METTL21A: variants seen among roughly 807,000 people sequenced by gnomAD.
METTL21A encodes the protein methyltransferase 21A, HSPA lysine, also known as protein N-lysine methyltransferase METTL21A.
A neutral mutation model predicts 20.9 loss-of-function variants in METTL21A; 22 were observed. The ratio of observed to expected loss-of-function variants is 1.05; its 90% CI spans 0.75 to 1.50. METTL21A has a LOEUF of 1.50. Among genes scored for constraint, METTL21A ranks in the 40% most tolerant of loss-of-function variants. METTL21A has a pLI of 0.00. For synonymous variants in METTL21A, 93 were observed against 102.0 expected (o/e 0.91, Z 0.53); for missense variants, 271 against 266.8 (o/e 1.02, Z -0.11).
intron 3 of METTL21A, among the ~76,000 whole-genome samples, chr2:207,615,391 G>A (rs189412923): frequency 6.6e-6 from 1 of 151,882 alleles, no homozygotes; most frequent in East Asian, 1.9e-4. Context: ...AGGAGGTCAA[G>A]GCTGCACTTA....
chr2:207,605,527 A>G (rs558870943), downstream of METTL21A, among the ~76,000 whole-genome samples: 3 of 147,764 alleles, frequency 2.0e-5, no homozygotes, highest in Non-Finnish European at 4.5e-5. Flanking sequence ...GTACACTTCT[A>G]AAAAAAAGAA....
intron 3 of METTL21A, chr2:207,598,404 G>A (rs2086518237): frequency 5.6e-6 from 1 of 178,510 alleles, no homozygotes; most frequent in Admixed American, 6.4e-5. Flanking sequence ...CTGTATTTGT[G>A]TATATCATAC....
exon 4 of METTL21A, chr2:207,612,771 G>GGGA: frequency 3.5e-6 from 1 of 283,972 alleles, no homozygotes; most frequent in South Asian, 1.3e-4. Context: ...TTTATTAAAA[G>GGGA]GGAGGAGTAT....
chr2:207,587,111 G>C (rs1220580018), intron 3 of METTL21A, among the ~76,000 whole-genome samples: 4 of 152,084 alleles, frequency 2.6e-5, no homozygotes, highest in Non-Finnish European at 4.4e-5. Context: ...AAAACTAAAA[G>C]GGCCAGGCGT....
downstream of METTL21A, among the ~76,000 whole-genome samples, chr2:207,608,502 A>G (rs2088468787): frequency 6.6e-6 from 1 of 152,004 alleles, no homozygotes; most frequent in Non-Finnish European, 1.5e-5. Context: ...TTAATGTTTT[A>G]TGAAAACAGA....
chr2:207,624,555 C>G, intron 1 of METTL21A, 151 bp from the exon 2 acceptor site: 1 of 610,674 alleles, frequency 1.6e-6, no homozygotes, highest in South Asian at 2.7e-5. Flanking sequence ...TTTTGCATGG[C>G]TCTTCCGAAT....
At position 207,617,212 on chromosome 2, in the gene METTL21A, G is replaced by C. The variant is rs145360695; in HGVS notation, c.260-3769C>G. On this transcript the variant is annotated intron_variant, in intron 3 of 3. Coordinates refer to ENST00000406927, the Ensembl canonical transcript of METTL21A. ...ACATTCGAGCACATACTATGTGCTAGAGATACAAAGATGAGGAAGAAAGTC... is the reference window on the plus strand; with the variant it reads ...ACATTCGAGCACATACTATGTGCTACAGATACAAAGATGAGGAAGAAAGTC... Among the ~76,000 whole-genome samples, 731 of 152,300 alleles carry C rather than the reference G, an allele frequency of 4.8e-3. 7 individuals are homozygous for C. The highest frequency in any genetic ancestry group is 0.016 in the African/African-American group (676 of 41,560).
chr2:207,595,570 A>G (rs2085985108), intron 3 of METTL21A, among the ~76,000 whole-genome samples: 1 of 151,604 alleles, frequency 6.6e-6, no homozygotes, highest in African/African-American at 2.4e-5. Context: ...CCACCTAACT[A>G]ATTTTTAATT....
In METTL21A at chr2:207,622,037, C is replaced by T; in HGVS notation, c.148-120G>A. 3 of 802,230 alleles carry T rather than the reference C, an allele frequency of 3.7e-6. No individual in the cohort carries two copies. In the South Asian group the frequency reaches 4.7e-5, roughly 13 times the overall value. The allele number at this position is 802,230 out of a possible 1,614,324, so 49.7% of individuals were successfully genotyped here. ...CGAGGTTCAATTCCCAGCTTAACAA[C>T]ACACACAGGAACTTAGCTGGTGCAG... On this transcript the variant is annotated intron_variant, in intron 2 of 3. Coordinates refer to ENST00000406927, the Ensembl canonical transcript of METTL21A.
chr2:207,581,760 T>C (rs1219353714), exon 4 of METTL21A: 1 of 677,794 alleles, frequency 1.5e-6, no homozygotes, highest in Non-Finnish European at 2.7e-6. Flanking sequence ...ATTAACTGAA[T>C]TATACATTTT....
At chr2:207,589,139 C>A (rs994412814) in intron 3 of METTL21A, among the ~76,000 whole-genome samples, 1 of 152,094 alleles carries the variant, frequency 6.6e-6, no homozygotes, top group Non-Finnish European at 1.5e-5. Context: ...CTGGCTTAAA[C>A]AACACAAATG....
At chr2:207,599,527 T>A (rs180685015) in intron 3 of METTL21A, 5 of 196,686 alleles carry the variant, frequency 2.5e-5, no homozygotes, top group Admixed American at 2.4e-4. Context: ...TTATAAGTTA[T>A]AAAGACCTTA....
At chr2:207,606,973 C>T (rs747880355), downstream of METTL21A, among the ~76,000 whole-genome samples, 9 of 152,046 alleles carry the variant, frequency 5.9e-5, no homozygotes, top group Admixed American at 1.3e-4. Context: ...CCCATACCTT[C>T]GGCAAGGAGA....
At chr2:207,623,254 T>G (rs2090711626) in intron 2 of METTL21A, among the ~76,000 whole-genome samples, 1 of 152,206 alleles carries the variant, frequency 6.6e-6, no homozygotes, top group African/African-American at 2.4e-5. Context: ...CTGGACTGGA[T>G]TCCTAGAAGT....
At chr2:207,619,313 C>T (rs1483844706) in intron 3 of METTL21A, among the ~76,000 whole-genome samples, 1 of 151,926 alleles carries the variant, frequency 6.6e-6, no homozygotes, top group African/African-American at 2.4e-5. Flanking sequence ...TCCCCAAATT[C>T]AGGAATAAAT....
At chr2:207,580,701 G>A (rs1302855161), downstream of METTL21A, 9 of 222,110 alleles carry the variant, frequency 4.1e-5, no homozygotes, top group Admixed American at 1.7e-4. Context: ...AGAAAGTGTA[G>A]ACAGCTCTTC....
intron 3 of METTL21A, chr2:207,597,193 A>C: frequency 2.2e-6 from 2 of 910,984 alleles, no homozygotes; most frequent in Non-Finnish European, 3.1e-6. Context: ...GCAACTACAG[A>C]ATTTCATTCA....
intron 3 of METTL21A, among the ~76,000 whole-genome samples, chr2:207,621,091 A>G (rs1252250110): frequency 6.6e-6 from 1 of 152,224 alleles, no homozygotes; most frequent in Non-Finnish European, 1.5e-5. Flanking sequence ...AACATTATAC[A>G]TTGTATCTTG....
chr2:207,601,603 T>C (rs1442030102), intron 3 of METTL21A: 9 of 207,454 alleles, frequency 4.3e-5, no homozygotes, highest in African/African-American at 2.0e-4. Context: ...ATTAATACTG[T>C]ACATAGTATG....
Sources: allele counts gnomAD v4.1 joint callset (sites outside exome capture counted in the v4.1 genomes callset), GRCh38; gene constraint gnomAD v4.1.1; transcripts MANE v1.5; gene names NCBI Gene and HGNC (gene_info 2026-07-23, HGNC 2026-07-21).